HUWE1: variants seen among roughly 807,000 people sequenced by gnomAD.
The protein encoded by HUWE1 is HECT, UBA and WWE domain containing E3 ubiquitin protein ligase 1.
Under a neutral mutation model 299.4 loss-of-function variants are expected in HUWE1, and 18 were observed. The ratio of observed to expected loss-of-function variants is 0.06; its 90% confidence interval spans 0.04 to 0.09. The LOEUF (loss-of-function observed/expected upper bound fraction) is 0.09, where lower values mean the gene tolerates loss of function less well. Among genes scored for constraint, HUWE1 ranks in the 10% least tolerant of loss-of-function variants. HUWE1 has a pLI of 1.00. For synonymous variants in HUWE1, 1,317 were observed against 1,286.1 expected, an observed-to-expected ratio of 1.02 and a Z score of -0.51; for missense variants, 1,832 against 3,462.3, an observed-to-expected ratio of 0.53 and a Z score of 11.82.
intron 23 of HUWE1, among the ~76,000 whole-genome samples, chrX:53,609,328 A>G (rs1556999918): frequency 8.9e-6 from 1 of 112,435 alleles, no homozygotes; most frequent in African/African-American, 3.2e-5. Flanking sequence ...GAACACTAAA[A>G]ATAAGTTCAA....
chrX:53,663,706 GTAATA>G (rs1297393505), intron 3 of HUWE1, among the ~76,000 whole-genome samples: 1 of 110,940 alleles, frequency 9.0e-6, no homozygotes, highest in Non-Finnish European at 1.9e-5. Context: ...CTATTTCACT[GTAATA>G]TAATAAGCAC....
At chrX:53,570,836 G>A (rs2062791621) in intron 47 of HUWE1, among the ~76,000 whole-genome samples, 1 of 112,219 alleles carries the variant, frequency 8.9e-6, no homozygotes, top group South Asian at 3.6e-4. Context: ...ACTTTAAAAT[G>A]GTTGACTTTA....
intron 52 of HUWE1, 29 bp from the exon 53 acceptor site, chrX:53,562,958 GAAC>G: frequency 1.8e-6 from 2 of 1,125,338 alleles, no homozygotes; most frequent in Non-Finnish European, 2.4e-6. Flanking sequence ...AGCCTTCACT[GAAC>G]AACAGAGGAC....
chrX:53,548,376 T>C, intron 67 of HUWE1, 103 bp from the exon 68 acceptor site: 1 of 977,711 alleles, frequency 1.0e-6, no homozygotes, highest in Non-Finnish European at 1.4e-6. Flanking sequence ...CTTCAGACAA[T>C]TTTGGTAAAT....
chrX:53,546,820 G>A lies in HUWE1; in HGVS notation c.10642C>T (p.Pro3548Ser). 3 of 1,204,673 alleles carry A rather than the reference G, an allele frequency of 2.5e-6. No homozygotes were observed. Among genetic ancestry groups the A allele is most frequent in the East Asian group, 3.0e-5 (1 of 33,689 alleles). ...TTATTTVSIS[P>S]TTKGSKSPAK... is the part of the protein sequence containing the mutation. ...GGAGATTTGCTGCCCTTAGTAGTGG[G>A]AGAAACTTTGAGGAAACAGACAGAA... Residue 3548 changes from proline to serine, a missense_variant, in exon 69 of 84, where the codon CCC becomes TCC. Pro to Ser is a moderately conservative substitution (Grantham distance 74). This residue lies in a region of HUWE1 where 119 missense variants were observed against 124.6 expected (regional missense o/e 0.96). Coordinates refer to ENST00000262854, the MANE Select transcript of HUWE1 (RefSeq NM_031407.7).
At chrX:53,535,148 T>C (rs1291267848) in intron 81 of HUWE1, among the ~76,000 whole-genome samples, 1 of 111,313 alleles carries the variant, frequency 9.0e-6, no homozygotes, top group Non-Finnish European at 1.9e-5. Context: ...TTGGCCAGGC[T>C]GGTCTCAAAC....
chrX:53,538,620 A>G (rs1181756909), intron 76 of HUWE1, among the ~76,000 whole-genome samples, 166 bp from the exon 77 acceptor site: 1 of 109,077 alleles, frequency 9.2e-6, no homozygotes, highest in Non-Finnish European at 1.9e-5. Flanking sequence ...CGTGAATCTG[A>G]GCATTTCTAT....
chrX:53,598,067 A>C (rs1471645062), intron 29 of HUWE1, among the ~76,000 whole-genome samples: 1 of 111,945 alleles, frequency 8.9e-6, no homozygotes, highest in Non-Finnish European at 1.9e-5. Context: ...AATCTCAGTG[A>C]AATTCAAGAG....
chrX:53,666,322 T>G (rs1447207184), intron 3 of HUWE1, among the ~76,000 whole-genome samples: 1 of 111,486 alleles, frequency 9.0e-6, no homozygotes, highest in Non-Finnish European at 1.9e-5. Flanking sequence ...TTTGCCATTC[T>G]GTGACTTAGG....
intron 5 of HUWE1, 123 bp downstream of exon 5, chrX:53,648,089 G>A: frequency 1.9e-6 from 1 of 537,208 alleles, no homozygotes; most frequent in Admixed American, 2.6e-5. Flanking sequence ...CATGGCACAT[G>A]CTAGATGCTT....
rs199844752 is a variant in HUWE1, at chrX:53,609,725, T to C, written c.2262-816A>G. On this transcript the variant is annotated intron_variant, in intron 23 of 83. Transcript: ENST00000262854. ...CAAATACTTTAGAAAATGGAGTATT[T>C]TGGACACAGGCCCTTGAAACAGATT... Among the ~76,000 whole-genome samples the C allele has an allele frequency of 5.4e-5, 6 of 112,121 alleles. No individual in the cohort carries two copies. In the East Asian group the frequency reaches 1.7e-3, roughly 31 times the overall value.
At chrX:53,566,133 GTA>G (rs71830310) in intron 49 of HUWE1, among the ~76,000 whole-genome samples, 2,022 of 38,793 alleles carry the variant, frequency 0.052, 52 homozygotes, top group Non-Finnish European at 0.075. Flanking sequence ...GTGTGTGTGT[GTA>G]TATATATATA....
rs1557034902 is a variant in HUWE1, at chrX:53,645,471, G to A, written c.352-8C>T. Reference sequence around the variant, plus strand: ...CAATAAAGTTGTCAAATGCTAAAGGGACAAAAAAGGGCAAAGCTCAAGGTA... The same window carrying A: ...CAATAAAGTTGTCAAATGCTAAAGGAACAAAAAAGGGCAAAGCTCAAGGTA... On this transcript the variant is annotated splice_region_variant and splice_polypyrimidine_tract_variant and intron_variant, in intron 6 of 83. Transcript: ENST00000262854. 1 of 1,207,944 alleles carries A rather than the reference G, an allele frequency of 8.3e-7. No individual in the cohort carries two copies. The highest frequency in any genetic ancestry group is 1.1e-6 in the Non-Finnish European group (1 of 893,666).
intron 9 of HUWE1, 97 bp downstream of exon 9, chrX:53,632,390 A>G (rs1603212992): frequency 1.5e-6 from 1 of 652,795 alleles, no homozygotes; most frequent in African/African-American, 2.1e-5. Flanking sequence ...AGTGTAGCTC[A>G]AAACCATTTA....
rs2060976354 is a variant in HUWE1 at position 53,535,172 on chromosome X, TG to T, written c.12649+211del. On this transcript the variant is annotated intron_variant, in intron 81 of 83. Transcript: ENST00000262854. ...CTGGTCTCAAACTCCTCACCTCAAC[TG>T]ATCCGCCCACCTTGGCCTCCCAAAG... Among the ~76,000 whole-genome samples the T allele has an allele frequency of 1.3e-4, 15 of 111,579 alleles. No homozygotes were observed. In the East Asian group the frequency reaches 4.0e-3, roughly 30 times the overall value.
intron 3 of HUWE1, among the ~76,000 whole-genome samples, chrX:53,663,368 C>G (rs1238803661): frequency 8.9e-6 from 1 of 111,761 alleles, no homozygotes; most frequent in Non-Finnish European, 1.9e-5. Context: ...AAAAAATTAG[C>G]CGGGTGTGGT....
chrX:53,607,656 T>G lies in HUWE1; in HGVS notation c.2363A>C (p.Asp788Ala), dbSNP rs201905704. The change falls in exon 25 of 84, where the codon GAC (aspartate) becomes GCC (alanine). Residue 788 changes from aspartate (D) to alanine (A), a missense_variant. Around this residue, in one of 15 missense-constraint regions of HUWE1, gnomAD observed 658 missense variants for 1,282.6 expected, o/e 0.51. Coordinates refer to ENST00000262854, the MANE Select transcript of HUWE1 (RefSeq NM_031407.7). Reference sequence around the variant, plus strand: ...CTGATTCACAAATTCCTGGCAGTGGTCATCTGTTGTATTGTTGCTCAGAAT... The same window carrying G: ...CTGATTCACAAATTCCTGGCAGTGGGCATCTGTTGTATTGTTGCTCAGAAT... ...ESILSNNTTD[D>A]HCQEFVNQKG... is the part of the protein sequence containing the mutation. The G allele has an allele frequency of 8.3e-7, 1 of 1,207,344 alleles. No individual in the cohort carries two copies. Among genetic ancestry groups the G allele is most frequent in the Admixed American group, 2.2e-5 (1 of 45,815 alleles).
Position 53,545,124 on chromosome X carries a change from C to A in HUWE1, c.10953G>T (p.Glu3651Asp). Residue 3651 changes from glutamate (E) to aspartate (D), a missense_variant, in exon 71 of 84, where the codon GAG becomes GAT. Physicochemically the swap from Glu to Asp is conservative, Grantham distance 45. Transcript: ENST00000262854. ...LLAELREYNL[E>D]QQRRAQCETL... ...TTTCACATTGGGCTCGCCGCTGCTG[C>A]TCGAGGTTGTATTCCCGCAGCTCGG... The A allele has an allele frequency of 8.3e-7, 1 of 1,210,305 alleles. No homozygotes were observed.
chrX:53,662,924 C>G (rs2069077750), intron 3 of HUWE1, among the ~76,000 whole-genome samples: 1 of 110,176 alleles, frequency 9.1e-6, no homozygotes, highest in Admixed American at 9.7e-5. Flanking sequence ...CCCATCTCTA[C>G]CAAAAAAAAT....
Sources: allele counts gnomAD v4.1 joint callset (sites outside exome capture counted in the v4.1 genomes callset), GRCh38; gene constraint gnomAD v4.1.1; regional missense constraint gnomAD v4.1.1; transcripts MANE v1.5; gene names NCBI Gene and HGNC (gene_info 2026-07-23, HGNC 2026-07-21).